The following EHMT1 variants were observed in gnomAD, a reference collection of about 807,000 sequenced individuals.
EHMT1 encodes the protein euchromatic histone lysine methyltransferase 1.
Under a neutral mutation model 147.2 loss-of-function variants are expected in EHMT1, and 15 were observed. That is an observed-to-expected ratio of 0.10 (90% CI 0.07 to 0.16). The LOEUF (loss-of-function observed/expected upper bound fraction) is 0.16, where lower values mean the gene tolerates loss of function less well. Ranked by LOEUF, EHMT1 falls within the 10% of genes least tolerant of loss-of-function variation. EHMT1 has a pLI of 1.00. For missense variants in EHMT1, 1,587 were observed against 1,772.4 expected, an observed-to-expected ratio of 0.90 and a Z score of 1.88; for synonymous variants, 795 against 709.6, an observed-to-expected ratio of 1.12 and a Z score of -1.91.
chr9:137,748,547 T>C (rs1211049286), intron 6 of EHMT1, among the ~76,000 whole-genome samples: 1 of 152,210 alleles, frequency 6.6e-6, no homozygotes, highest in East Asian at 1.9e-4. Flanking sequence ...GACTCTGCCA[T>C]GCGGCTCCCC....
At chr9:137,712,504 T>C (rs985262483) in intron 2 of EHMT1, among the ~76,000 whole-genome samples, 2 of 152,166 alleles carry the variant, frequency 1.3e-5, no homozygotes, top group African/African-American at 4.8e-5. Context: ...TGGCATCTCA[T>C]TGTGGTTTTG....
At position 137,769,821 on chromosome 9, in the gene EHMT1, T is replaced by C. The variant is rs187360482; in HGVS notation, c.1648-5288T>C. Among the ~76,000 whole-genome samples, 1,075 of 150,824 alleles carry C rather than the reference T, an allele frequency of 7.1e-3. 15 individuals are homozygous for C. The highest frequency in any genetic ancestry group is 0.025 in the African/African-American group (1,021 of 40,146). The stretch of plus-strand genomic sequence containing the variant: ...AAATTCTTAGCCAGCTATCACTTTT[T>C]TTCTTTCCTTTTCCTTTTCCTTTTC... On this transcript the variant is annotated intron_variant, in intron 10 of 26. Transcript: ENST00000460843.
chr9:137,649,408 T>G (rs1468933656), intron 1 of EHMT1, among the ~76,000 whole-genome samples: 1 of 151,942 alleles, frequency 6.6e-6, no homozygotes, highest in Non-Finnish European at 1.5e-5. Context: ...GGCAGTGAGC[T>G]GAGATCGCGC....
At chr9:137,765,439 G>T (rs909703534) in intron 10 of EHMT1, among the ~76,000 whole-genome samples, 1 of 152,240 alleles carries the variant, frequency 6.6e-6, no homozygotes, top group African/African-American at 2.4e-5. Context: ...TGTGTGGTAA[G>T]CTTTTTTTGT....
chr9:137,814,581 C>A (rs573867236), intron 22 of EHMT1, 73 bp downstream of exon 22: 2 of 1,520,286 alleles, frequency 1.3e-6, no homozygotes, highest in East Asian at 4.5e-5. Context: ...ACAGTGCAGG[C>A]GTCTGTGACC....
At chr9:137,777,746 G>A (rs1054578537) in intron 12 of EHMT1, 136 bp from the exon 13 acceptor site, 9 of 1,333,164 alleles carry the variant, frequency 6.8e-6, no homozygotes, top group Admixed American at 1.7e-5. Flanking sequence ...ATCCTGAACC[G>A]TTAAATCCAG....
At chr9:137,766,258 G>A (rs948582752) in intron 10 of EHMT1, among the ~76,000 whole-genome samples, 2 of 152,160 alleles carry the variant, frequency 1.3e-5, no homozygotes, top group Non-Finnish European at 2.9e-5. Flanking sequence ...TTCATTGGAG[G>A]TTTCAAAATG....
intron 1 of EHMT1, among the ~76,000 whole-genome samples, chr9:137,659,866 G>C (rs528861764): frequency 6.6e-6 from 1 of 152,090 alleles, no homozygotes; most frequent in East Asian, 1.9e-4. Flanking sequence ...GTGAGGCACT[G>C]CGCTTGGCCC....
At chr9:137,743,561 T>C in intron 5 of EHMT1, 33 bp downstream of exon 5, 2 of 1,613,704 alleles carry the variant, frequency 1.2e-6, no homozygotes, top group Non-Finnish European at 1.7e-6. Context: ...TTGCCACGTG[T>C]GCGTGGAAAT....
chr9:137,731,305 C>T lies in EHMT1; in HGVS notation c.823+2776C>T, dbSNP rs149540090. ...CCAGTGGTTAAGATACTCCCTCAGC[C>T]TCAGCTGCTCCCGTGTGTTGTCACC... On this transcript the variant is annotated intron_variant, in intron 4 of 26. Coordinates refer to ENST00000460843, the MANE Select transcript of EHMT1 (RefSeq NM_024757.5). The surrounding 1 kb of genome is among the most constrained non-coding windows in gnomAD (Gnocchi z 4.3). Among the ~76,000 whole-genome samples the T allele has an allele frequency of 6.6e-6, 1 of 152,314 alleles. No individual in the cohort carries two copies. Among genetic ancestry groups the T allele is most frequent in the Non-Finnish European group, 1.5e-5 (1 of 68,016 alleles).
intron 1 of EHMT1, among the ~76,000 whole-genome samples, chr9:137,620,509 A>G (rs564960513): frequency 6.6e-6 from 1 of 152,252 alleles, no homozygotes; most frequent in South Asian, 2.1e-4. Context: ...TCGACCACCC[A>G]GGCTCAAAGG....
chr9:137,628,531 TG>T (rs1843412372), intron 1 of EHMT1, among the ~76,000 whole-genome samples: 1 of 152,214 alleles, frequency 6.6e-6, no homozygotes, highest in Non-Finnish European at 1.5e-5. Flanking sequence ...TCTCCCGCTT[TG>T]GCCTCTGAAA....
intron 16 of EHMT1, among the ~76,000 whole-genome samples, chr9:137,794,802 A>G (rs1039993691): frequency 7.2e-5 from 11 of 152,188 alleles, no homozygotes; most frequent in African/African-American, 2.2e-4. Context: ...CCAGAATCCT[A>G]CATCCAGTAA....
In EHMT1 at chr9:137,669,350, CCAAGACGCTCCCACAGCACGTGCACTG is replaced by C. The variant is rs1564562489; in HGVS notation, c.22-41616_22-41590del. 4.1e-3 allele frequency among the ~76,000 whole-genome samples: 614 copies of C among 150,184 alleles called. 2 individuals carry two copies. Among genetic ancestry groups the C allele is most frequent in the African/African-American group, 5.9e-3 (241 of 40,802 alleles). On this transcript the variant is annotated intron_variant, in intron 1 of 26. Coordinates refer to ENST00000460843, the MANE Select transcript of EHMT1 (RefSeq NM_024757.5). ...CCACAGCACGTGGACCCCACACCAC[CCAAGACGCTCCCACAGCACGTGCACTG>C]GACTCCACCCAAGACGCCCCCCACA... is the stretch of plus-strand genomic sequence containing the variant.
At chr9:137,768,045 A>G (rs1950324604) in intron 10 of EHMT1, among the ~76,000 whole-genome samples, 1 of 152,170 alleles carries the variant, frequency 6.6e-6, no homozygotes, top group Admixed American at 6.5e-5. Context: ...ATGTTTGTAC[A>G]ACTTTGTAGC....
At chr9:137,665,843 G>T in intron 1 of EHMT1, 1 of 152,368 alleles carries the variant, frequency 6.6e-6, no homozygotes, top group Non-Finnish European at 1.5e-5. Flanking sequence ...GCCTGGAGGT[G>T]CCTGGGCGGC....
chr9:137,727,201 T>G (rs1047529411), intron 3 of EHMT1, among the ~76,000 whole-genome samples: 2 of 152,230 alleles, frequency 1.3e-5, no homozygotes, highest in Non-Finnish European at 2.9e-5. Context: ...AGACTCATCT[T>G]GAACTCCTGG....
At chr9:137,713,582 T>A (rs1489712877) in intron 2 of EHMT1, among the ~76,000 whole-genome samples, 1 of 151,860 alleles carries the variant, frequency 6.6e-6, no homozygotes, top group Non-Finnish European at 1.5e-5. Flanking sequence ...CTAAGTATTA[T>A]ATTTTTTGAT....
At chr9:137,661,709 C>T (rs1459351184) in intron 1 of EHMT1, among the ~76,000 whole-genome samples, 2 of 152,106 alleles carry the variant, frequency 1.3e-5, no homozygotes, top group Non-Finnish European at 2.9e-5. Context: ...CGGTCTCAAA[C>T]TCCTGACTTC....
Sources: gnomAD v4.1 joint callset for allele counts (sites outside exome capture counted in the v4.1 genomes callset) on GRCh38, gnomAD v4.1.1 for gene constraint, Gnocchi (gnomAD v3.1) non-coding constraint, MANE v1.5 for transcripts, NCBI Gene and HGNC (gene_info 2026-07-23, HGNC 2026-07-21) for gene names.